The following UTP20 variants were observed in gnomAD, a reference collection of about 807,000 sequenced individuals.
UTP20 encodes the protein UTP20 small subunit processome component, also known as small subunit processome component 20 homolog.
In UTP20, 164 loss-of-function variants were observed where a neutral mutation model predicts 329.5. That is an observed-to-expected ratio of 0.50 (90% CI 0.44 to 0.57). The LOEUF is 0.57. Among genes scored for constraint, UTP20 ranks in the 20% least tolerant of loss-of-function variants. The pLI is 0.00. For missense variants in UTP20, 3,055 were observed against 3,284.2 expected, an observed-to-expected ratio of 0.93 and a Z score of 1.71; for synonymous variants, 1,151 against 1,159.3, an observed-to-expected ratio of 0.99 and a Z score of 0.14.
At chr12:101,382,035 A>AAG (rs1555203543) in intron 58 of UTP20, among the ~76,000 whole-genome samples, 120 of 151,134 alleles carry the variant, frequency 7.9e-4, no homozygotes, top group African/African-American at 1.4e-3. Flanking sequence ...AAAAAAAAAA[A>AAG]AGAGAGAGAA....
Position 101,327,334 on chromosome 12 carries a change from G to A in UTP20, c.3208+87G>A, listed in dbSNP as rs79908712. ...GGCTACATTTCCCATGCTCCTGGGC[G>A]TCTTTCTAACAGGGTTGTTCCTCCC... On this transcript the variant is annotated intron_variant, in intron 26 of 61. Transcript: ENST00000261637. 9.4e-3 allele frequency: 12,500 copies of A among 1,324,946 alleles called. 245 individuals carry two copies. Among genetic ancestry groups the A allele is most frequent in the East Asian group, 0.082 (3,181 of 38,778 alleles). The allele number at this position is 1,324,946 out of a possible 1,614,324, so 82.1% of individuals were successfully genotyped here. A position where few individuals can be genotyped will look rare whatever the true frequency, so the allele number is the denominator to read the frequency against.
intron 32 of UTP20, among the ~76,000 whole-genome samples, chr12:101,341,830 A>G (rs1219270151): frequency 6.6e-6 from 1 of 152,148 alleles, no homozygotes; most frequent in African/African-American, 2.4e-5. Flanking sequence ...GCTTGAACCC[A>G]GGAGGTGGAG....
intron 11 of UTP20, among the ~76,000 whole-genome samples, chr12:101,294,987 A>G (rs1340933997): frequency 2.6e-5 from 4 of 152,100 alleles, no homozygotes; most frequent in Non-Finnish European, 5.9e-5. Context: ...TAGCAGCTCA[A>G]TTTTTCTTTT....
chr12:101,352,095 C>A lies in UTP20; in HGVS notation c.4925C>A (p.Ala1642Asp). Residue 1642 changes from alanine to aspartate, a missense_variant, in exon 39 of 62, where the codon GCC becomes GAC. This residue lies in a region of UTP20 where 2,445 missense variants were observed against 2,575.5 expected (regional missense o/e 0.95). Transcript: ENST00000261637. ...ITTAATEIIG[A>D]ICKHLSWSAY... ...ACTGCTGCCACAGAGATTATTGGAG[C>A]CATTTGCAAACATCTCTCTTGGTCA... 1 of 1,613,774 alleles carries A rather than the reference C, an allele frequency of 6.2e-7. No homozygotes were observed. Among genetic ancestry groups the A allele is most frequent in the South Asian group, 1.1e-5 (1 of 90,938 alleles).
At chr12:101,351,070 C>T (rs1371327331) in intron 38 of UTP20, among the ~76,000 whole-genome samples, 1 of 151,988 alleles carries the variant, frequency 6.6e-6, no homozygotes, top group Non-Finnish European at 1.5e-5. Context: ...TCTTTTCTCT[C>T]AGAGATCACT....
chr12:101,374,234 CAA>C (rs1387373070), intron 54 of UTP20, among the ~76,000 whole-genome samples: 11 of 115,602 alleles, frequency 9.5e-5, no homozygotes, highest in Non-Finnish European at 1.1e-4. Flanking sequence ...GACTCCGTCT[CAA>C]AAAAAAAAAA....
intron 32 of UTP20, among the ~76,000 whole-genome samples, chr12:101,342,228 G>T (rs945693874): frequency 6.6e-6 from 1 of 152,038 alleles, no homozygotes; most frequent in East Asian, 1.9e-4. Flanking sequence ...TACATATATT[G>T]CTTATTAGAA....
chr12:101,371,523 CTTTTTTTTTTTTTTTT>C (rs58024998), intron 51 of UTP20, among the ~76,000 whole-genome samples: 2 of 65,390 alleles, frequency 3.1e-5, no homozygotes, highest in African/African-American at 1.6e-4. Flanking sequence ...GGGCTTTGTT[CTTTTTTTTTTTTTTTT>C]TTTTTTTTTT....
At chr12:101,384,922 C>T (rs1204001301) in intron 60 of UTP20, among the ~76,000 whole-genome samples, 1 of 152,102 alleles carries the variant, frequency 6.6e-6, no homozygotes, top group Non-Finnish European at 1.5e-5. Flanking sequence ...CTGCCAGGCA[C>T]TAGGGATTCA....
Position 101,342,852 on chromosome 12 carries a change from T to A in UTP20, c.4296+15T>A. 3 of 1,612,290 alleles carry A rather than the reference T, an allele frequency of 1.9e-6. No homozygotes were observed. Among genetic ancestry groups the A allele is most frequent in the Non-Finnish European group, 2.5e-6 (3 of 1,179,394 alleles). ...ATGTTGTCAAGGTAAGAAAGAAGGG[T>A]TTCTCTTTGGCTTCAAAAGTATTAT... On this transcript the variant is annotated intron_variant, in intron 34 of 61. Coordinates refer to ENST00000261637, the MANE Select transcript of UTP20 (RefSeq NM_014503.3).
At chr12:101,368,431 C>T (rs1050066818) in intron 48 of UTP20, among the ~76,000 whole-genome samples, 3 of 152,048 alleles carry the variant, frequency 2.0e-5, no homozygotes, top group Non-Finnish European at 4.4e-5. Flanking sequence ...CCGTGCCCGG[C>T]CGAGATTATT....
rs760523340 is a variant in UTP20 at position 101,383,141 on chromosome 12, A to T, written c.7757A>T (p.Glu2586Val). ...SKIKEDLEEQEALEDGVACAD... is the reference protein window; with the variant it reads ...SKIKEDLEEQVALEDGVACAD... ...ATAAAAGAAGACCTGGAAGAACAAG[A>T]AGCTTTAGAAGATGGTGTGGCCTGT... Residue 2586 changes from glutamate to valine, a missense_variant, in exon 59 of 62, where the codon GAA (glutamate) becomes GTA (valine). Physicochemically the swap from Glu to Val is moderately radical, Grantham distance 121. Transcript: ENST00000261637. 6.2e-7 allele frequency: 1 copy of T among 1,613,966 alleles called. No homozygotes were observed. Among genetic ancestry groups the T allele is most frequent in the Non-Finnish European group, 8.5e-7 (1 of 1,179,972 alleles).
chr12:101,353,713 A>G (rs1869618880), intron 40 of UTP20, among the ~76,000 whole-genome samples: 1 of 152,164 alleles, frequency 6.6e-6, no homozygotes, highest in African/African-American at 2.4e-5. Context: ...CTAAAAATAA[A>G]AAGAAATTAA....
Position 101,369,857 on chromosome 12 carries a change from G to A in UTP20, c.6521G>A (p.Gly2174Asp). 1 of 1,613,988 alleles carries A rather than the reference G, an allele frequency of 6.2e-7. No homozygotes were observed. The highest frequency in any genetic ancestry group is 8.5e-7 in the Non-Finnish European group (1 of 1,179,972). ...KDYAKLGAAR[G>D]QNFHLVVNCF... The stretch of plus-strand genomic sequence containing the variant: ...TATGCAAAGCTCGGGGCCGCCAGGG[G>A]CCAGAACTTCCACCTTGTGGTCAAT... The change falls in exon 49 of 62, where the codon GGC becomes GAC. Residue 2174 changes from glycine to aspartate, a missense_variant. Physicochemically the swap from Gly to Asp is moderately conservative, Grantham distance 94 (BLOSUM62 -1). Transcript: ENST00000261637.
intron 39 of UTP20, 55 bp downstream of exon 39, chr12:101,352,249 A>G (rs1157074347): frequency 2.6e-6 from 4 of 1,543,784 alleles, no homozygotes; most frequent in East Asian, 4.5e-5. Context: ...TTATGGCTGC[A>G]TAGTATTCCA....
intron 32 of UTP20, 69 bp from the exon 33 acceptor site, chr12:101,342,377 A>G: frequency 1.6e-6 from 2 of 1,263,300 alleles, no homozygotes; most frequent in East Asian, 2.4e-5. Context: ...ATGCTATAAT[A>G]TATTAAAGTA....
rs1296647743 is a variant in UTP20 at position 101,342,601 on chromosome 12, T to A, written c.4245+12T>A. ...GTACGGTTTTTGAGGTCTGTACTAT[T>A]CATTTTTACTCCAAATCACCCTTTT... On this transcript the variant is annotated intron_variant, in intron 33 of 61. Transcript: ENST00000261637. The A allele has an allele frequency of 6.3e-7, 1 of 1,597,306 alleles. No homozygotes were observed. Among genetic ancestry groups the A allele is most frequent in the East Asian group, 2.2e-5 (1 of 44,798 alleles).
intron 25 of UTP20, among the ~76,000 whole-genome samples, chr12:101,321,906 A>T (rs887721892): frequency 1.3e-5 from 2 of 151,542 alleles, no homozygotes; most frequent in African/African-American, 4.9e-5. Flanking sequence ...CATCACCGCC[A>T]GCTGCTTTTT....
chr12:101,302,878 C>T (rs1872557863), intron 15 of UTP20, among the ~76,000 whole-genome samples: 1 of 152,222 alleles, frequency 6.6e-6, no homozygotes, highest in Non-Finnish European at 1.5e-5. Flanking sequence ...GTGGTTCCAA[C>T]ATGCACATTC....
Sources: allele counts gnomAD v4.1 joint callset (sites outside exome capture counted in the v4.1 genomes callset), GRCh38; gene constraint gnomAD v4.1.1; regional missense constraint gnomAD v4.1.1; transcripts MANE v1.5; gene names NCBI Gene and HGNC (gene_info 2026-07-23, HGNC 2026-07-21).